The following CSMD1 variants were observed in gnomAD, a reference collection of about 807,000 sequenced individuals.
The protein encoded by CSMD1 is CUB and Sushi multiple domains 1.
A neutral mutation model predicts 417.5 loss-of-function variants in CSMD1; 213 were observed. That is an observed-to-expected ratio of 0.51 (90% CI 0.46 to 0.57). The LOEUF (loss-of-function observed/expected upper bound fraction) is 0.57, where lower values mean the gene tolerates loss of function less well. Ranked by LOEUF, CSMD1 falls within the 20% of genes least tolerant of loss-of-function variation. The pLI is 0.00. For missense variants in CSMD1, 6,923 were observed against 4,529.7 expected (o/e 1.53, Z -15.17); for synonymous variants, 2,862 against 1,736.8 (o/e 1.65, Z -16.11).
intron 1 of CSMD1, among the ~76,000 whole-genome samples, chr8:4,754,942 G>C (rs558098381): frequency 1.3e-5 from 2 of 152,130 alleles, no homozygotes; most frequent in Non-Finnish European, 2.9e-5. Context: ...TTCGAAACCA[G>C]CCTGGCCAAC....
chr8:4,406,219 C>G (rs951870042), intron 3 of CSMD1, among the ~76,000 whole-genome samples: 4 of 152,122 alleles, frequency 2.6e-5, no homozygotes, highest in African/African-American at 7.2e-5. Flanking sequence ...GTAATGTGCT[C>G]CAAAGTCCCC....
At chr8:4,099,329 T>G (rs1046241070) in intron 3 of CSMD1, among the ~76,000 whole-genome samples, 3 of 152,112 alleles carry the variant, frequency 2.0e-5, no homozygotes, top group Non-Finnish European at 2.9e-5. Flanking sequence ...TATACTCACT[T>G]TCTCCCATTT....
At chr8:4,024,316 CAAT>C (rs1796949866) in intron 4 of CSMD1, among the ~76,000 whole-genome samples, 1 of 152,128 alleles carries the variant, frequency 6.6e-6, no homozygotes, top group Non-Finnish European at 1.5e-5. Flanking sequence ...ACATAAAAGA[CAAT>C]AATGACAGAA....
chr8:4,314,928 C>A (rs143259172), intron 3 of CSMD1, among the ~76,000 whole-genome samples: 1 of 152,154 alleles, frequency 6.6e-6, no homozygotes, highest in Non-Finnish European at 1.5e-5. Flanking sequence ...GATTATACCA[C>A]AGGAAAAGTG....
Position 3,406,174 on chromosome 8 carries a change from G to A in CSMD1, c.2119C>T (p.Arg707Ter). The change falls in exon 15 of 70, where the codon CGA (arginine) becomes TGA (stop). Residue 707 changes from arginine (R) to a stop codon, truncating the protein, a stop_gained. Transcript: ENST00000635120. LOFTEE classifies it high-confidence loss of function. ...CHDPGIPINGRRFGDRFLLGS... is the reference protein window; with the variant it reads ...CHDPGIPING ...AGTAGAAACCTGTCACCAAAACGTCGTCCGTTTATAGGAATGCCAGGATCA... is the reference window on the plus strand; with the variant it reads ...AGTAGAAACCTGTCACCAAAACGTCATCCGTTTATAGGAATGCCAGGATCA... The A allele has an allele frequency of 1.9e-6, 3 of 1,612,666 alleles. No individual in the cohort carries two copies. Among genetic ancestry groups the A allele is most frequent in the Non-Finnish European group, 1.7e-6 (2 of 1,179,262 alleles).
chr8:3,615,806 T>C (rs1024323319), intron 8 of CSMD1, among the ~76,000 whole-genome samples: 3 of 152,278 alleles, frequency 2.0e-5, no homozygotes, highest in Non-Finnish European at 4.4e-5. Flanking sequence ...AAAACACATA[T>C]CTTGTTTCTC....
intron 11 of CSMD1, among the ~76,000 whole-genome samples, chr8:3,490,795 T>G (rs1333362206): frequency 6.6e-6 from 1 of 152,150 alleles, no homozygotes; most frequent in Non-Finnish European, 1.5e-5. Flanking sequence ...TGTGCGACGA[T>G]CGCCTTAGAA....
chr8:4,208,804 G>A (rs1311848816), intron 3 of CSMD1, among the ~76,000 whole-genome samples: 1 of 152,194 alleles, frequency 6.6e-6, no homozygotes, highest in Non-Finnish European at 1.5e-5. Flanking sequence ...CTAGAAAACT[G>A]TCCGGTTTTA....
intron 3 of CSMD1, among the ~76,000 whole-genome samples, chr8:4,140,442 G>C (rs1022100230): frequency 6.6e-6 from 1 of 150,864 alleles, no homozygotes; most frequent in Admixed American, 6.6e-5. Context: ...AGGTTGCCGT[G>C]AGCCAAGATC....
chr8:4,348,947 C>G lies in CSMD1; in HGVS notation c.415+71006G>C, dbSNP rs181103347. 2.6e-5 allele frequency among the ~76,000 whole-genome samples: 4 copies of G among 152,238 alleles called. No individual in the cohort carries two copies. In the East Asian group the frequency reaches 7.7e-4, roughly 29 times the overall value. ...TATTGTTCCTTAACCAGACAGTGCC[C>G]TCAGAATACTCTTGAATTGCACCAT... On this transcript the variant is annotated intron_variant, in intron 3 of 69. Coordinates refer to ENST00000635120, the MANE Select transcript of CSMD1 (RefSeq NM_033225.6).
rs182114174 is a variant in CSMD1, at chr8:4,590,121, G to A, written c.302+47221C>T. On this transcript the variant is annotated intron_variant, in intron 2 of 69. Transcript: ENST00000635120. The stretch of plus-strand genomic sequence containing the variant: ...TATATAGGTTTATTTAGAATAACAT[G>A]CAATTTTATTTGGTAAAGCAAGTGA... 1.5e-4 allele frequency among the ~76,000 whole-genome samples: 23 copies of A among 151,904 alleles called. No homozygotes were observed. The East Asian group carries it at 3.7e-3, about 24-fold the overall frequency.
intron 2 of CSMD1, among the ~76,000 whole-genome samples, chr8:4,476,645 G>C (rs978731390): frequency 1.3e-5 from 2 of 152,132 alleles, no homozygotes; most frequent in African/African-American, 4.8e-5. Context: ...GCAACTCATA[G>C]TCTAACACCA....
intron 1 of CSMD1, among the ~76,000 whole-genome samples, chr8:4,939,541 C>A (rs571796195): frequency 1.3e-5 from 2 of 152,040 alleles, no homozygotes; most frequent in Non-Finnish European, 1.5e-5. Context: ...ATGAGCCAGG[C>A]GCAGAAAGAC....
At chr8:4,660,385 A>C (rs375652006) in intron 1 of CSMD1, among the ~76,000 whole-genome samples, 1 of 152,140 alleles carries the variant, frequency 6.6e-6, no homozygotes, top group African/African-American at 2.4e-5. Context: ...AGAAAACACG[A>C]AAGTAATGAT....
At chr8:3,702,568 T>C (rs2623579) in intron 7 of CSMD1, among the ~76,000 whole-genome samples, 145,634 of 152,270 alleles carry the variant, frequency 0.96, 69,711 homozygotes, top group East Asian at 1. Context: ...CGGTGGCTCA[T>C]GCCTGTAATC....
chr8:4,397,442 G>C (rs138592975), intron 3 of CSMD1, among the ~76,000 whole-genome samples: 1 of 150,148 alleles, frequency 6.7e-6, no homozygotes, highest in Non-Finnish European at 1.5e-5. Flanking sequence ...AATGAAGAAA[G>C]CTTCGGGAGA....
At chr8:3,673,998 G>A (rs1354586832) in intron 7 of CSMD1, among the ~76,000 whole-genome samples, 1 of 152,100 alleles carries the variant, frequency 6.6e-6, no homozygotes, top group Non-Finnish European at 1.5e-5. Flanking sequence ...CATGCCTGTG[G>A]TCCCAGCCAC....
chr8:4,946,200 ATACT>A (rs1186366637), intron 1 of CSMD1, among the ~76,000 whole-genome samples: 2 of 152,214 alleles, frequency 1.3e-5, no homozygotes, highest in Non-Finnish European at 2.9e-5. Flanking sequence ...CTGACTCAAC[ATACT>A]TAATTTATGG....
chr8:3,198,584 T>G (rs1008530784), intron 33 of CSMD1, among the ~76,000 whole-genome samples: 2 of 152,210 alleles, frequency 1.3e-5, no homozygotes, highest in African/African-American at 4.8e-5. Flanking sequence ...GAGATCTTTG[T>G]CTCCTGATTA....
Sources: gnomAD v4.1 joint callset for allele counts (sites outside exome capture counted in the v4.1 genomes callset) on GRCh38, gnomAD v4.1.1 for gene constraint, MANE v1.5 for transcripts, NCBI Gene and HGNC (gene_info 2026-07-23, HGNC 2026-07-21) for gene names.